Variants in ADGRB3 observed in about 807,000 individuals in gnomAD.
ADGRB3 encodes adhesion G protein-coupled receptor B3, also known as brain-specific angiogenesis inhibitor 3.
Under a neutral mutation model 193.4 loss-of-function variants are expected in ADGRB3, and 37 were observed. The observed-to-expected ratio is 0.19, with a 90% CI of 0.15 to 0.25. ADGRB3 has a LOEUF of 0.25. ADGRB3 is among the 10% of genes least tolerant of loss of function. ADGRB3 has a pLI of 1.00. For missense variants in ADGRB3, 1,637 were observed against 1,852.9 expected, an observed-to-expected ratio of 0.88 and a Z score of 2.14; for synonymous variants, 690 against 644.2, an observed-to-expected ratio of 1.07 and a Z score of -1.08.
At chr6:68,912,660 T>C (rs914250513) in intron 3 of ADGRB3, among the ~76,000 whole-genome samples, 3 of 152,096 alleles carry the variant, frequency 2.0e-5, no homozygotes, top group African/African-American at 7.2e-5. Context: ...AGAATGATGA[T>C]TTCCAATTTC....
chr6:69,180,675 G>A (rs886685996), intron 17 of ADGRB3, among the ~76,000 whole-genome samples: 3 of 152,174 alleles, frequency 2.0e-5, no homozygotes, highest in Non-Finnish European at 2.9e-5. Flanking sequence ...AGGAGAAACT[G>A]CAGTTGTAGC....
rs114419728 is a variant in ADGRB3 at position 68,901,094 on chromosome 6, A to T, written c.758-29465A>T. On this transcript the variant is annotated intron_variant, in intron 3 of 31. Coordinates refer to ENST00000370598, the MANE Select transcript of ADGRB3 (RefSeq NM_001704.3). ...AATAACAAATTACCTCAAATTTAGC[A>T]GTAAATAATAACAAGCATTTATTAT... is the stretch of plus-strand genomic sequence containing the variant. 4.7e-3 allele frequency among the ~76,000 whole-genome samples: 721 copies of T among 152,260 alleles called. 5 individuals carry two copies. Among genetic ancestry groups the T allele is most frequent in the African/African-American group, 0.016 (677 of 41,560 alleles).
intron 17 of ADGRB3, among the ~76,000 whole-genome samples, chr6:69,231,865 A>T (rs1056621276): frequency 2.6e-5 from 4 of 152,222 alleles, no homozygotes; most frequent in Admixed American, 2.6e-4. Flanking sequence ...ATGATATCAA[A>T]TCATGAATAT....
At chr6:69,090,549 A>G (rs1222124170) in intron 17 of ADGRB3, among the ~76,000 whole-genome samples, 1 of 152,204 alleles carries the variant, frequency 6.6e-6, no homozygotes, top group Non-Finnish European at 1.5e-5. Flanking sequence ...TCTTTCATGC[A>G]TATATTTATT....
chr6:68,914,597 T>A (rs1766824486), intron 3 of ADGRB3, among the ~76,000 whole-genome samples: 1 of 152,064 alleles, frequency 6.6e-6, no homozygotes, highest in South Asian at 2.1e-4. Context: ...TCATGCCAAA[T>A]TGTAAAGACC....
intron 20 of ADGRB3, among the ~76,000 whole-genome samples, chr6:69,239,610 C>T (rs1766343979): frequency 6.6e-6 from 1 of 151,880 alleles, no homozygotes; most frequent in South Asian, 2.1e-4. Flanking sequence ...CATATTGATT[C>T]CTAAAAGGTA....
chr6:69,314,171 G>T (rs1278358975), intron 20 of ADGRB3, among the ~76,000 whole-genome samples: 1 of 151,646 alleles, frequency 6.6e-6, no homozygotes, highest in East Asian at 2.0e-4. Context: ...AGATTTTCCT[G>T]TTATGTGTGA....
At chr6:69,048,418 A>G (rs1442107591) in intron 14 of ADGRB3, 84 bp downstream of exon 14, 2 of 1,329,940 alleles carry the variant, frequency 1.5e-6, no homozygotes, top group African/African-American at 1.5e-5. Flanking sequence ...ATCTTCATAC[A>G]TTAAACAGTT....
At chr6:68,691,025 C>T (rs1464299386) in intron 3 of ADGRB3, among the ~76,000 whole-genome samples, 3 of 152,018 alleles carry the variant, frequency 2.0e-5, no homozygotes, top group Admixed American at 6.6e-5. Flanking sequence ...TTATTTTACA[C>T]ATATTAGGAA....
chr6:69,035,726 G>T (rs901415988), intron 13 of ADGRB3, among the ~76,000 whole-genome samples: 27 of 152,216 alleles, frequency 1.8e-4, no homozygotes, highest in African/African-American at 6.3e-4. Context: ...TTTAGATAGG[G>T]TCTGATGGCC....
chr6:68,993,699 T>G, intron 10 of ADGRB3, 69 bp from the exon 11 acceptor site: 1 of 1,454,354 alleles, frequency 6.9e-7, no homozygotes, highest in Non-Finnish European at 9.3e-7. Flanking sequence ...ATAAAGTTGT[T>G]TGATGAAGTT....
At chr6:69,030,170 T>C (rs759417009) in intron 13 of ADGRB3, among the ~76,000 whole-genome samples, 6 of 151,936 alleles carry the variant, frequency 3.9e-5, no homozygotes, top group Non-Finnish European at 7.4e-5. Flanking sequence ...TTCGTGGGAG[T>C]GTAAATTAGT....
intron 20 of ADGRB3, among the ~76,000 whole-genome samples, chr6:69,261,372 A>G (rs11966823): frequency 0.025 from 3,871 of 152,256 alleles, 162 homozygotes; most frequent in African/African-American, 0.088. Flanking sequence ...ATCTAAGTTT[A>G]TATAGAATGA....
chr6:68,850,169 G>A (rs541176807), intron 3 of ADGRB3, among the ~76,000 whole-genome samples: 3 of 151,492 alleles, frequency 2.0e-5, no homozygotes, highest in African/African-American at 4.8e-5. Context: ...ACTGGATTCA[G>A]TGTGCCTCAC....
intron 3 of ADGRB3, among the ~76,000 whole-genome samples, chr6:68,886,228 T>C (rs1189408994): frequency 6.6e-6 from 1 of 152,128 alleles, no homozygotes; most frequent in Non-Finnish European, 1.5e-5. Context: ...AGCTGGTGTT[T>C]ACCTTGCTGG....
In ADGRB3 at chr6:69,388,647, C is replaced by A. The variant is rs541020279; in HGVS notation, c.4381-56C>A. On this transcript the variant is annotated intron_variant, in intron 31 of 31. Coordinates refer to ENST00000370598, the MANE Select transcript of ADGRB3 (RefSeq NM_001704.3). ...CACGCTCTCTTCCTGGAAACTTCAA[C>A]TAGCGGTGATCCTGGTCATCACATA... 3.8e-4 allele frequency: 570 copies of A among 1,509,884 alleles called. 1 individual carries two copies. Among genetic ancestry groups the A allele is most frequent in the Non-Finnish European group, 5.0e-4 (553 of 1,112,250 alleles). 93.5% of individuals were successfully genotyped at this position (1,509,884 alleles called of 1,614,324 possible).
chr6:69,253,910 G>A (rs755160859), intron 20 of ADGRB3, among the ~76,000 whole-genome samples: 1 of 151,786 alleles, frequency 6.6e-6, no homozygotes, highest in Non-Finnish European at 1.5e-5. Flanking sequence ...TTTTTCTTTA[G>A]GCATATAGAA....
chr6:69,141,238 C>T (rs1774334260), intron 17 of ADGRB3, among the ~76,000 whole-genome samples: 1 of 152,056 alleles, frequency 6.6e-6, no homozygotes, highest in African/African-American at 2.4e-5. Context: ...ATTCTCCTGC[C>T]TCAGCCTCCC....
intron 3 of ADGRB3, among the ~76,000 whole-genome samples, chr6:68,802,173 T>A (rs948437032): frequency 2.7e-5 from 4 of 150,464 alleles, no homozygotes; most frequent in South Asian, 2.1e-4. Context: ...GTAAAATAAA[T>A]GCACATATGC....
Sources: gnomAD v4.1 joint callset for allele counts (sites outside exome capture counted in the v4.1 genomes callset) on GRCh38, gnomAD v4.1.1 for gene constraint, MANE v1.5 for transcripts, NCBI Gene and HGNC (gene_info 2026-07-23, HGNC 2026-07-21) for gene names.